Variants in GPR39 observed in about 807,000 individuals in gnomAD.
GPR39 encodes G protein-coupled receptor 39.
A neutral mutation model predicts 18.4 loss-of-function variants in GPR39; 23 were observed. The observed-to-expected ratio is 1.25, with a 90% CI of 0.90 to 1.77. GPR39 has a LOEUF of 1.77. GPR39 is among the 40% of genes most tolerant of loss of function. The pLI, the probability that GPR39 is intolerant of heterozygous loss-of-function variation, is 0.00. For synonymous variants in GPR39, 280 were observed against 257.9 expected (o/e 1.09, Z -0.82); for missense variants, 647 against 602.4 (o/e 1.07, Z -0.78).
intron 1 of GPR39, among the ~76,000 whole-genome samples, chr2:132,591,818 TA>T (rs200377609): frequency 3.3e-5 from 5 of 151,946 alleles, no homozygotes; most frequent in African/African-American, 1.2e-4. Flanking sequence ...AAAACTGATT[TA>T]AAAAAAACCA....
chr2:132,555,415 C>T (rs767915049), intron 1 of GPR39, among the ~76,000 whole-genome samples: 3 of 152,114 alleles, frequency 2.0e-5, no homozygotes, highest in African/African-American at 2.4e-5. Flanking sequence ...CAGTGTGGGC[C>T]GCAGTCATCC....
At chr2:132,439,199 A>G (rs573378074) in intron 1 of GPR39, among the ~76,000 whole-genome samples, 1 of 152,350 alleles carries the variant, frequency 6.6e-6, no homozygotes, top group Admixed American at 6.5e-5. Context: ...GGAAAATCAC[A>G]ATGGTGTCAA....
chr2:132,438,871 C>T (rs1180591501), intron 1 of GPR39, among the ~76,000 whole-genome samples: 2 of 152,162 alleles, frequency 1.3e-5, no homozygotes, highest in Admixed American at 1.3e-4. Flanking sequence ...TAGTCATTTC[C>T]TGGCTTCCAT....
intron 1 of GPR39, among the ~76,000 whole-genome samples, chr2:132,474,901 T>C (rs762409334): frequency 5.9e-5 from 9 of 152,178 alleles, no homozygotes; most frequent in Non-Finnish European, 1.3e-4. Flanking sequence ...TATTGCCTTG[T>C]TGAAGGAAGT....
intron 1 of GPR39, among the ~76,000 whole-genome samples, chr2:132,469,704 C>T (rs768742634): frequency 1.3e-5 from 2 of 152,174 alleles, no homozygotes; most frequent in Non-Finnish European, 2.9e-5. Flanking sequence ...GGGTCTCAAT[C>T]CAGTGGCTGG....
At chr2:132,509,984 G>A (rs542954862) in intron 1 of GPR39, among the ~76,000 whole-genome samples, 1 of 152,266 alleles carries the variant, frequency 6.6e-6, no homozygotes, top group South Asian at 2.1e-4. Context: ...CATAAAGGAG[G>A]GGAGGAGAGA....
At chr2:132,474,925 T>C (rs1204533373) in intron 1 of GPR39, among the ~76,000 whole-genome samples, 1 of 152,210 alleles carries the variant, frequency 6.6e-6, no homozygotes, top group African/African-American at 2.4e-5. Flanking sequence ...CTTTGAGTCC[T>C]CTCAGAGAAT....
At chr2:132,602,871 G>GAAAAA (rs56271366) in intron 1 of GPR39, among the ~76,000 whole-genome samples, 5 of 137,954 alleles carry the variant, frequency 3.6e-5, no homozygotes, top group African/African-American at 1.4e-4. Flanking sequence ...CTTAAAAAGA[G>GAAAAA]AAAAAAAAAA....
intron 1 of GPR39, among the ~76,000 whole-genome samples, chr2:132,550,269 T>C (rs1217943931): frequency 6.6e-6 from 1 of 152,174 alleles, no homozygotes; most frequent in Non-Finnish European, 1.5e-5. Context: ...AAATAGATGC[T>C]AGCTAACGTG....
At chr2:132,513,972 T>C (rs947381081) in intron 1 of GPR39, among the ~76,000 whole-genome samples, 1 of 152,232 alleles carries the variant, frequency 6.6e-6, no homozygotes, top group South Asian at 2.1e-4. Flanking sequence ...CTAATAGAGC[T>C]GGTTTGAGTA....
intron 1 of GPR39, among the ~76,000 whole-genome samples, chr2:132,502,446 C>G (rs1188815606): frequency 6.6e-6 from 1 of 152,148 alleles, no homozygotes; most frequent in Non-Finnish European, 1.5e-5. Context: ...TGCTGTTAAT[C>G]TGATAGATTT....
In GPR39 at chr2:132,419,545, G is replaced by A. The variant is rs13408359; in HGVS notation, c.856+1647G>A. ...GTAGGTAACGTTATCTTGGGACTTG[G>A]GAAGCGTACCCAACTCAGTCTATCA... is the stretch of plus-strand genomic sequence containing the variant. On this transcript the variant is annotated intron_variant, in intron 1 of 1. Transcript: ENST00000329321. Among the ~76,000 whole-genome samples, 635 of 152,262 alleles carry A rather than the reference G, an allele frequency of 4.2e-3. 2 individuals are homozygous for A. The highest frequency in any genetic ancestry group is 0.014 in the African/African-American group (582 of 41,536).
intron 1 of GPR39, among the ~76,000 whole-genome samples, chr2:132,433,026 A>G (rs1258998741): frequency 2.0e-5 from 3 of 152,188 alleles, no homozygotes; most frequent in African/African-American, 7.2e-5. Context: ...GTATTATAAT[A>G]CTTTTTGGAG....
intron 1 of GPR39, among the ~76,000 whole-genome samples, chr2:132,544,234 C>T (rs1038841646): frequency 6.6e-6 from 1 of 152,212 alleles, no homozygotes; most frequent in African/African-American, 2.4e-5. Flanking sequence ...TATCTTCCTG[C>T]TTATCAGGTT....
chr2:132,505,850 C>T (rs1258219295), intron 1 of GPR39, among the ~76,000 whole-genome samples: 1 of 152,182 alleles, frequency 6.6e-6, no homozygotes, highest in African/African-American at 2.4e-5. Context: ...GCGAATTGCG[C>T]TGCAATAAAC....
chr2:132,606,637 A>C (rs1681142599), intron 1 of GPR39, among the ~76,000 whole-genome samples: 2 of 152,174 alleles, frequency 1.3e-5, no homozygotes, highest in African/African-American at 4.8e-5. Context: ...GTTCAGTTAG[A>C]TCCTTTGCAG....
intron 1 of GPR39, among the ~76,000 whole-genome samples, chr2:132,480,552 G>T (rs901254458): frequency 6.6e-6 from 1 of 152,154 alleles, no homozygotes; most frequent in African/African-American, 2.4e-5. Flanking sequence ...TGTAACTAGG[G>T]CAGGGACAGG....
intron 1 of GPR39, among the ~76,000 whole-genome samples, chr2:132,537,752 CT>C (rs1390001710): frequency 6.6e-6 from 1 of 151,910 alleles, no homozygotes; most frequent in East Asian, 1.9e-4. Flanking sequence ...CCTTTTCATT[CT>C]TTTTTCTCTA....
chr2:132,508,018 C>T (rs1679166888), intron 1 of GPR39, among the ~76,000 whole-genome samples: 1 of 152,118 alleles, frequency 6.6e-6, no homozygotes, highest in Non-Finnish European at 1.5e-5. Context: ...ATCTCTAGCC[C>T]CAAAATCCTT....
Sources: allele counts gnomAD v4.1 joint callset (sites outside exome capture counted in the v4.1 genomes callset), GRCh38; gene constraint gnomAD v4.1.1; transcripts MANE v1.5; gene names NCBI Gene and HGNC (gene_info 2026-07-23, HGNC 2026-07-21).